PCDH11X: variants seen among roughly 807,000 people sequenced by gnomAD.
PCDH11X encodes protocadherin 11 X-linked, also known as protocadherin-11 X-linked.
PCDH11X carries 18 observed loss-of-function variants against 53.3 expected under a neutral mutation model. The observed-to-expected ratio is 0.34, with a 90% CI of 0.23 to 0.50. PCDH11X has a LOEUF of 0.50. Ranked by LOEUF, PCDH11X falls within the 20% of genes least tolerant of loss-of-function variation. The probability of loss-of-function intolerance (pLI) is 0.98; values close to 1 mark genes in which losing one functional copy is unlikely to be tolerated. For synonymous variants in PCDH11X, 279 were observed against 393.3 expected (o/e 0.71, Z 3.44); for missense variants, 570 against 1,032.4 (o/e 0.55, Z 6.14).
At chrX:92,250,124 TGA>T (rs1320355230) in intron 7 of PCDH11X, among the ~76,000 whole-genome samples, 1 of 112,003 alleles carries the variant, frequency 8.9e-6, no homozygotes, top group Non-Finnish European at 1.9e-5. Context: ...TTTGAAAGGA[TGA>T]GTTTGGCACT....
At chrX:92,330,745 A>G (rs1017527885) in intron 8 of PCDH11X, among the ~76,000 whole-genome samples, 1 of 110,864 alleles carries the variant, frequency 9.0e-6, no homozygotes, top group Non-Finnish European at 1.9e-5. Context: ...GTAATAAACT[A>G]TTGATACAGG....
At chrX:92,073,909 C>T (rs1394901550) in intron 6 of PCDH11X, among the ~76,000 whole-genome samples, 1 of 112,014 alleles carries the variant, frequency 8.9e-6, no homozygotes, top group African/African-American at 3.2e-5. Flanking sequence ...TAAAAGCTGG[C>T]TATAAACATG....
chrX:92,616,758 C>T (rs1272925730), intron 10 of PCDH11X, among the ~76,000 whole-genome samples: 1 of 108,319 alleles, frequency 9.2e-6, no homozygotes, highest in Non-Finnish European at 1.9e-5. Context: ...TTGATATCTG[C>T]AAAAACAGAA....
chrX:92,259,523 A>G (rs1319345583), intron 7 of PCDH11X, among the ~76,000 whole-genome samples: 1 of 111,444 alleles, frequency 9.0e-6, no homozygotes, highest in African/African-American at 3.3e-5. Context: ...CACTATCATG[A>G]GAACTGCACT....
At chrX:92,295,751 G>T (rs866366920) in intron 8 of PCDH11X, among the ~76,000 whole-genome samples, 8 of 62,001 alleles carry the variant, frequency 1.3e-4, no homozygotes, top group East Asian at 1.8e-3. Flanking sequence ...GTGTGTGTGT[G>T]TGTGTGTGTG....
intron 6 of PCDH11X, chrX:91,879,535 G>C: frequency 1.4e-5 from 15 of 1,077,311 alleles, no homozygotes; most frequent in African/African-American, 1.9e-5. Flanking sequence ...GACAATTCTT[G>C]CTAGAGAATA....
At chrX:91,881,329 A>G (rs1193366400) in intron 6 of PCDH11X, among the ~76,000 whole-genome samples, 2 of 111,736 alleles carry the variant, frequency 1.8e-5, no homozygotes, top group Admixed American at 9.6e-5. Flanking sequence ...AATTAGTCAA[A>G]ATACAAAAAA....
chrX:92,208,660 A>C (rs773684420), intron 7 of PCDH11X, among the ~76,000 whole-genome samples: 1 of 103,986 alleles, frequency 9.6e-6, no homozygotes, highest in Non-Finnish European at 2.0e-5. Context: ...TGCTGGAGTG[A>C]AAAGAAATAA....
At chrX:91,883,563 T>C (rs551678524) in intron 6 of PCDH11X, 15,809 of 717,050 alleles carry the variant, frequency 0.022, 136 homozygotes, top group Middle Eastern at 0.032. Context: ...CCCAGCACTT[T>C]GGGAGGCCGA....
chrX:92,288,653 T>A (rs1004928912), intron 8 of PCDH11X, among the ~76,000 whole-genome samples: 2 of 111,539 alleles, frequency 1.8e-5, no homozygotes, highest in African/African-American at 6.5e-5. Flanking sequence ...GGTATTTTCA[T>A]TGGTTAAATT....
intron 8 of PCDH11X, among the ~76,000 whole-genome samples, chrX:92,323,177 A>G (rs969149350): frequency 1.2e-4 from 13 of 111,133 alleles, no homozygotes; most frequent in African/African-American, 3.9e-4. Context: ...GCTTATGTAA[A>G]CAGAAAATAT....
At chrX:91,963,199 T>G (rs973816034) in intron 6 of PCDH11X, among the ~76,000 whole-genome samples, 8 of 111,317 alleles carry the variant, frequency 7.2e-5, no homozygotes, top group Non-Finnish European at 1.3e-4. Flanking sequence ...TTTTCTGAAC[T>G]TTTATGTTTT....
chrX:92,575,938 T>TACACACACACAC (rs1250408122), intron 10 of PCDH11X, among the ~76,000 whole-genome samples: 9 of 27,096 alleles, frequency 3.3e-4, no homozygotes, highest in South Asian at 2.0e-3. Flanking sequence ...TATATATATA[T>TACACACACACAC]ATATATACAC....
rs35993985 is a variant in PCDH11X, at chrX:92,363,541, GTT to G, written c.3145-24183_3145-24182del. On this transcript the variant is annotated intron_variant, in intron 8 of 10. Transcript: ENST00000682573. ...TGATTTTACTTATTAGTTCTAACAG[GTT>G]TTTTTTTTTTGAATAATCTTTAGGA... 3.1e-3 allele frequency among the ~76,000 whole-genome samples: 315 copies of G among 102,509 alleles called. 5 individuals are homozygous for G. The East Asian group carries it at 0.049, about 16-fold the overall frequency. 89.0% of individuals were successfully genotyped at this position (102,509 alleles called of 115,157 possible). A position where few individuals can be genotyped will look rare whatever the true frequency, so the allele number is the denominator to read the frequency against.
At chrX:91,990,691 T>C (rs1314007258) in intron 6 of PCDH11X, among the ~76,000 whole-genome samples, 1 of 106,777 alleles carries the variant, frequency 9.4e-6, no homozygotes, top group African/African-American at 3.5e-5. Context: ...TCAACTTCTG[T>C]TAACACACAG....
chrX:92,072,925 G>A (rs2063724574), intron 6 of PCDH11X, among the ~76,000 whole-genome samples: 1 of 111,208 alleles, frequency 9.0e-6, no homozygotes, highest in Non-Finnish European at 1.9e-5. Context: ...AGATCCTAGA[G>A]CACGTTAGCT....
At chrX:92,211,983 A>G (rs2066594917) in intron 7 of PCDH11X, among the ~76,000 whole-genome samples, 2 of 95,031 alleles carry the variant, frequency 2.1e-5, no homozygotes, top group Non-Finnish European at 4.2e-5. Flanking sequence ...ATTTGTGTCT[A>G]TGTGGTGGGG....
chrX:92,442,208 T>A (rs2072531065), intron 9 of PCDH11X, among the ~76,000 whole-genome samples: 1 of 110,422 alleles, frequency 9.1e-6, no homozygotes, highest in Admixed American at 9.7e-5. Context: ...TGCGTTTTCA[T>A]GGATGAGAAT....
At chrX:92,488,814 A>C (rs1242177897) in intron 10 of PCDH11X, among the ~76,000 whole-genome samples, 1 of 86,517 alleles carries the variant, frequency 1.2e-5, no homozygotes, top group Non-Finnish European at 2.2e-5. Context: ...AAAAGCCATG[A>C]TATTTGGGTT....
Sources: allele counts gnomAD v4.1 joint callset (sites outside exome capture counted in the v4.1 genomes callset), GRCh38; gene constraint gnomAD v4.1.1; transcripts MANE v1.5; gene names NCBI Gene and HGNC (gene_info 2026-07-23, HGNC 2026-07-21).